The following KDM4C variants were observed in gnomAD, a reference collection of about 807,000 sequenced individuals.
The protein encoded by KDM4C is lysine demethylase 4C.
Under a neutral mutation model 129.3 loss-of-function variants are expected in KDM4C, and 81 were observed. That is an observed-to-expected ratio of 0.63 (90% CI 0.52 to 0.75). KDM4C has a LOEUF of 0.75. Among genes scored for constraint, KDM4C ranks in the 30% least tolerant of loss-of-function variants. The pLI is 0.00. For synonymous variants in KDM4C, 573 were observed against 456.1 expected, an observed-to-expected ratio of 1.26 and a Z score of -3.26; for missense variants, 1,457 against 1,304.0, an observed-to-expected ratio of 1.12 and a Z score of -1.81.
intron 15 of KDM4C, among the ~76,000 whole-genome samples, chr9:7,021,980 C>T (rs540815088): frequency 6.6e-6 from 1 of 152,170 alleles, no homozygotes; most frequent in East Asian, 1.9e-4. Flanking sequence ...TATGGATTTA[C>T]CTCTGGGTTC....
intron 2 of KDM4C, among the ~76,000 whole-genome samples, chr9:6,801,760 A>G (rs796586171): frequency 4.6e-5 from 7 of 152,274 alleles, no homozygotes; most frequent in African/African-American, 1.2e-4. Context: ...GAAAAACCCA[A>G]CAATGCAATA....
At chr9:6,742,781 C>G (rs1817745331) in intron 1 of KDM4C, among the ~76,000 whole-genome samples, 1 of 151,574 alleles carries the variant, frequency 6.6e-6, no homozygotes, top group Non-Finnish European at 1.5e-5. Context: ...GACTCTAAGG[C>G]CCTCCTTGAG....
Position 7,168,147 on chromosome 9 carries a change from C to T in KDM4C, c.2902-1651C>T, listed in dbSNP as rs187064248. Among the ~76,000 whole-genome samples, 1,172 of 152,196 alleles carry T rather than the reference C, an allele frequency of 7.7e-3. 6 individuals are homozygous for T. Among genetic ancestry groups the T allele is most frequent in the South Asian group, 0.012 (57 of 4,822 alleles). ...AGGTTGCAGTGAGCCGAGATCGCGC[C>T]GTTGCACTCCAGCCTAGGCAACAAG... On this transcript the variant is annotated intron_variant, in intron 20 of 21. Coordinates refer to ENST00000381309, the MANE Select transcript of KDM4C (RefSeq NM_015061.6).
intron 4 of KDM4C, among the ~76,000 whole-genome samples, chr9:6,847,169 C>G (rs1837983554): frequency 6.6e-6 from 1 of 152,204 alleles, no homozygotes; most frequent in Non-Finnish European, 1.5e-5. Flanking sequence ...AATTTGCAAG[C>G]TCATTCAGTT....
At chr9:6,868,268 C>G (rs1842353726) in intron 5 of KDM4C, among the ~76,000 whole-genome samples, 1 of 152,116 alleles carries the variant, frequency 6.6e-6, no homozygotes, top group South Asian at 2.1e-4. Flanking sequence ...TAGAGACACT[C>G]TAGCAACCAT....
chr9:7,167,859 G>A (rs962334239), intron 20 of KDM4C, among the ~76,000 whole-genome samples: 3 of 152,138 alleles, frequency 2.0e-5, no homozygotes, highest in Admixed American at 6.5e-5. Flanking sequence ...AAAGTGCAGC[G>A]ATATATCAGT....
chr9:6,927,196 C>A (rs147339405), intron 8 of KDM4C, among the ~76,000 whole-genome samples: 1 of 152,022 alleles, frequency 6.6e-6, no homozygotes, highest in African/African-American at 2.4e-5. Context: ...GTGGCATGGT[C>A]TTGGCTCACT....
Position 7,124,219 on chromosome 9 carries a change from G to A in KDM4C, c.2611-3847G>A, listed in dbSNP as rs1839799669. ...AATCCCCACACATTGTCCCCTTGGA[G>A]GGCAAACAATTTTTATTCAACTTCC... On this transcript the variant is annotated intron_variant, in intron 18 of 21. Coordinates refer to ENST00000381309, the MANE Select transcript of KDM4C (RefSeq NM_015061.6). Among the ~76,000 whole-genome samples the A allele has an allele frequency of 4.6e-5, 7 of 152,148 alleles. No individual in the cohort carries two copies. In the South Asian group the frequency reaches 1.5e-3, roughly 32 times the overall value.
At chr9:6,961,643 C>T (rs1830071658) in intron 8 of KDM4C, among the ~76,000 whole-genome samples, 1 of 152,102 alleles carries the variant, frequency 6.6e-6, no homozygotes, top group Non-Finnish European at 1.5e-5. Context: ...AATTATTTAT[C>T]ATAGTAATCC....
At chr9:6,731,844 A>C (rs746112094) in intron 1 of KDM4C, among the ~76,000 whole-genome samples, 2 of 152,042 alleles carry the variant, frequency 1.3e-5, no homozygotes, top group African/African-American at 2.4e-5. Context: ...TTTATAGGTT[A>C]CTGTGTCCTC....
chr9:6,962,969 A>G (rs1331990210), intron 8 of KDM4C, among the ~76,000 whole-genome samples: 1 of 152,190 alleles, frequency 6.6e-6, no homozygotes, highest in African/African-American at 2.4e-5. Flanking sequence ...TATGGACATG[A>G]TATAGTTGGT....
At chr9:6,777,435 C>T (rs373942108) in intron 1 of KDM4C, among the ~76,000 whole-genome samples, 2 of 152,204 alleles carry the variant, frequency 1.3e-5, no homozygotes, top group Non-Finnish European at 2.9e-5. Context: ...CCTTCAGCTT[C>T]AGCTGGGCAC....
intron 7 of KDM4C, among the ~76,000 whole-genome samples, chr9:6,890,193 C>G (rs1235818475): frequency 6.6e-6 from 1 of 152,204 alleles, no homozygotes; most frequent in East Asian, 1.9e-4. Context: ...ACAATGGTAG[C>G]ACAGGCTGCA....
intron 8 of KDM4C, among the ~76,000 whole-genome samples, chr9:6,932,242 G>A (rs547382589): frequency 6.6e-6 from 1 of 152,304 alleles, no homozygotes; most frequent in East Asian, 1.9e-4. Flanking sequence ...AGAACAGAGT[G>A]GAAGCCGGAG....
chr9:6,724,751 G>C (rs1330863356), intron 1 of KDM4C, among the ~76,000 whole-genome samples: 1 of 152,082 alleles, frequency 6.6e-6, no homozygotes, highest in Non-Finnish European at 1.5e-5. Context: ...GGATGATCTC[G>C]ATCTCTTGAC....
chr9:6,910,237 C>G (rs947382535), intron 8 of KDM4C, among the ~76,000 whole-genome samples: 3 of 152,058 alleles, frequency 2.0e-5, no homozygotes, highest in Non-Finnish European at 4.4e-5. Flanking sequence ...AGCAGCACTA[C>G]ATTAATATAT....
chr9:7,107,036 A>C (rs10115436), intron 18 of KDM4C, among the ~76,000 whole-genome samples: 3,614 of 152,204 alleles, frequency 0.024, 136 homozygotes, highest in African/African-American at 0.08. Flanking sequence ...AATTTTTAGC[A>C]TGTGTTTGCC....
intron 17 of KDM4C, among the ~76,000 whole-genome samples, chr9:7,061,376 C>T (rs185051610): frequency 6.6e-6 from 1 of 152,324 alleles, no homozygotes; most frequent in Admixed American, 6.5e-5. Flanking sequence ...TTTTTGACTG[C>T]CTGTCATCTA....
chr9:7,124,448 G>C (rs141468380), intron 18 of KDM4C, among the ~76,000 whole-genome samples: 1 of 152,158 alleles, frequency 6.6e-6, no homozygotes, highest in Non-Finnish European at 1.5e-5. Context: ...GCCTCCTAGA[G>C]TTAGTTGTAA....
Sources: gnomAD v4.1 joint callset for allele counts (sites outside exome capture counted in the v4.1 genomes callset) on GRCh38, gnomAD v4.1.1 for gene constraint, MANE v1.5 for transcripts, NCBI Gene and HGNC (gene_info 2026-07-23, HGNC 2026-07-21) for gene names.